WDR1: variants seen among roughly 807,000 people sequenced by gnomAD.
WDR1 encodes WD repeat domain 1, also known as WD repeat-containing protein 1.
Under a neutral mutation model 71.9 loss-of-function variants are expected in WDR1, and 21 were observed. The ratio of observed to expected loss-of-function variants is 0.29; its 90% confidence interval spans 0.21 to 0.42. The LOEUF (loss-of-function observed/expected upper bound fraction) is 0.42, where lower values mean the gene tolerates loss of function less well. Ranked by LOEUF, WDR1 falls within the 10% of genes least tolerant of loss-of-function variation. The pLI is 1.00. For synonymous variants in WDR1, 424 were observed against 347.4 expected, an observed-to-expected ratio of 1.22 and a Z score of -2.45; for missense variants, 696 against 824.5, an observed-to-expected ratio of 0.84 and a Z score of 1.91.
At chr4:10,079,731 C>G (rs974473968) in intron 11 of WDR1, among the ~76,000 whole-genome samples, 2 of 152,202 alleles carry the variant, frequency 1.3e-5, no homozygotes, top group African/African-American at 4.8e-5. Flanking sequence ...CAGCCTCTGC[C>G]CCTACCGTCT....
intron 5 of WDR1, among the ~76,000 whole-genome samples, chr4:10,094,297 G>T (rs1276723432): frequency 6.6e-6 from 1 of 152,194 alleles, no homozygotes; most frequent in Non-Finnish European, 1.5e-5. Context: ...CTCCAGAGGG[G>T]GCGTGTGGTC....
chr4:10,107,426 C>G (rs1713088716), intron 2 of WDR1, among the ~76,000 whole-genome samples: 1 of 152,190 alleles, frequency 6.6e-6, no homozygotes. Flanking sequence ...GTCTTCAAAT[C>G]CCGACCCTGA....
intron 14 of WDR1, 148 bp from the exon 15 acceptor site, chr4:10,075,632 C>A: frequency 1.4e-6 from 1 of 720,992 alleles, no homozygotes. Context: ...GAGCCTGGCA[C>A]GGTGGCAGTG....
At chr4:10,110,636 G>A (rs1387321060) in intron 2 of WDR1, among the ~76,000 whole-genome samples, 3 of 152,120 alleles carry the variant, frequency 2.0e-5, no homozygotes, top group African/African-American at 4.8e-5. Context: ...AGCTGTCCCC[G>A]CTCTGTGGCA....
At chr4:10,103,148 A>G (rs1377358811) in intron 3 of WDR1, among the ~76,000 whole-genome samples, 1 of 152,192 alleles carries the variant, frequency 6.6e-6, no homozygotes, top group Non-Finnish European at 1.5e-5. Context: ...CAGGCTGCAG[A>G]GAGCAAAGGC....
intron 5 of WDR1, chr4:10,093,088 C>A: frequency 7.8e-7 from 1 of 1,289,476 alleles, no homozygotes; most frequent in Non-Finnish European, 1.0e-6. Flanking sequence ...TAATTAAGTA[C>A]CACACCCATG....
At chr4:10,102,494 C>T (rs1004531671) in intron 3 of WDR1, among the ~76,000 whole-genome samples, 15 of 152,324 alleles carry the variant, frequency 9.8e-5, no homozygotes, top group Admixed American at 3.9e-4. Flanking sequence ...CTTCTCTCAC[C>T]TTCTCTTTGT....
At position 10,075,184 on chromosome 4, in the gene WDR1, C is replaced by G; in HGVS notation, c.*194G>C. The G allele has an allele frequency of 1.8e-6, 1 of 562,736 alleles. No individual in the cohort carries two copies. Among genetic ancestry groups the G allele is most frequent in the South Asian group, 2.4e-5 (1 of 41,862 alleles). The allele number at this position is 562,736 out of a possible 1,614,324, so 34.9% of individuals were successfully genotyped here. On this transcript the variant is annotated 3_prime_UTR_variant, in exon 15 of 15. Transcript: ENST00000499869. ...GCTCGCTTTATTTTTCATGTGCAAA[C>G]TGTTACTGTCTAAAGCTTTCAGAAG...
intron 9 of WDR1, among the ~76,000 whole-genome samples, chr4:10,084,190 G>A (rs1175032092): frequency 2.6e-5 from 4 of 152,212 alleles, no homozygotes; most frequent in Non-Finnish European, 5.9e-5. Context: ...GACAAGAAGG[G>A]ACTGATCAGG....
At chr4:10,114,567 A>G (rs1442197627) in intron 2 of WDR1, among the ~76,000 whole-genome samples, 1 of 152,258 alleles carries the variant, frequency 6.6e-6, no homozygotes, top group Non-Finnish European at 1.5e-5. Flanking sequence ...GGTTAGGGGC[A>G]AAACGAAATA....
intron 6 of WDR1, 121 bp from the exon 7 acceptor site, chr4:10,088,494 T>C (rs749403886): frequency 9.2e-6 from 11 of 1,199,078 alleles, no homozygotes; most frequent in Admixed American, 2.0e-5. Flanking sequence ...CAGTGTGGTT[T>C]AAAAGCAGAC....
intron 2 of WDR1, among the ~76,000 whole-genome samples, chr4:10,110,174 C>G (rs73212870): frequency 0.17 from 25,848 of 152,122 alleles, 2,448 homozygotes; most frequent in Non-Finnish European, 0.21. Flanking sequence ...GCAAGGTGAC[C>G]AAAGCTAAGG....
At chr4:10,112,720 T>C (rs2108807181) in intron 2 of WDR1, among the ~76,000 whole-genome samples, 1 of 152,362 alleles carries the variant, frequency 6.6e-6, no homozygotes, top group East Asian at 1.9e-4. Context: ...CTTGTTCTCA[T>C]GCAGTAAGAC....
chr4:10,107,566 C>T (rs1004347273), intron 2 of WDR1, among the ~76,000 whole-genome samples: 1 of 152,204 alleles, frequency 6.6e-6, no homozygotes, highest in African/African-American at 2.4e-5. Context: ...ACCCATGGCC[C>T]CTCACCCCAA....
chr4:10,103,103 C>T (rs1423608638), intron 3 of WDR1, among the ~76,000 whole-genome samples: 1 of 152,170 alleles, frequency 6.6e-6, no homozygotes, highest in Middle Eastern at 3.2e-3. Flanking sequence ...CCACCCCTGC[C>T]TCTGCCTAGC....
rs1374830888 is a variant in WDR1, at chr4:10,097,724, T to A, written c.545A>T (p.Lys182Met). The change falls in exon 5 of 15, where the codon AAG becomes ATG. Residue 182 changes from lysine (K) to methionine (M), a missense_variant. By Grantham distance (95) the Lys-to-Met change is moderately conservative. Transcript: ENST00000499869. ...AAGTTCACTTACGCCAATTGTGAAC[T>A]TGAACTTGAATGGGGGTCCCTCAAA... Reference protein sequence around the residue: ...AFFEGPPFKFKFTIGDHSRFV... With the variant: ...AFFEGPPFKFMFTIGDHSRFV... 1 of 1,608,166 alleles carries A rather than the reference T, an allele frequency of 6.2e-7. No individual in the cohort carries two copies. The highest frequency in any genetic ancestry group is 1.7e-5 in the Admixed American group (1 of 59,374).
rs544078481 is a variant in WDR1, at chr4:10,092,990, G to C, written c.559-4249C>G. 9.4e-6 allele frequency: 11 copies of C among 1,174,178 alleles called. No homozygotes were observed. The African/African-American group carries it at 1.7e-4, about 18-fold the overall frequency. 72.7% of individuals were successfully genotyped at this position (1,174,178 alleles called of 1,614,324 possible). On this transcript the variant is annotated intron_variant, in intron 5 of 14. Transcript: ENST00000499869. Reference sequence around the variant, plus strand: ...ATAGCCAAGACTGACCTGTATCAACGAGCCCCCCTCCCCACAGTCCTCACT... The same window carrying C: ...ATAGCCAAGACTGACCTGTATCAACCAGCCCCCCTCCCCACAGTCCTCACT...
intron 5 of WDR1, among the ~76,000 whole-genome samples, chr4:10,093,996 C>CCA (rs1402021363): frequency 6.6e-6 from 1 of 152,220 alleles, no homozygotes; most frequent in Non-Finnish European, 1.5e-5. Flanking sequence ...CTGCTTGGCT[C>CCA]CAGCCTCAAG....
chr4:10,113,679 A>C (rs549999223), intron 2 of WDR1, among the ~76,000 whole-genome samples: 3 of 152,252 alleles, frequency 2.0e-5, no homozygotes, highest in Admixed American at 6.5e-5. Flanking sequence ...AGGTGGGGGA[A>C]GATAGCTTAG....
Sources: gnomAD v4.1 joint callset for allele counts (sites outside exome capture counted in the v4.1 genomes callset) on GRCh38, gnomAD v4.1.1 for gene constraint, MANE v1.5 for transcripts, NCBI Gene and HGNC (gene_info 2026-07-23, HGNC 2026-07-21) for gene names.